IKZF2: variants seen among roughly 807,000 people sequenced by gnomAD.
IKZF2 encodes IKAROS family zinc finger 2.
A neutral mutation model predicts 49.2 loss-of-function variants in IKZF2; 15 were observed. That is an observed-to-expected ratio of 0.30 (90% confidence interval 0.20 to 0.47). The LOEUF (loss-of-function observed/expected upper bound fraction) is 0.47, where lower values mean the gene tolerates loss of function less well. Ranked by LOEUF, IKZF2 falls within the 20% of genes least tolerant of loss-of-function variation. The pLI, the probability that IKZF2 is intolerant of heterozygous loss-of-function variation, is 1.00. For synonymous variants in IKZF2, 227 were observed against 221.4 expected, an observed-to-expected ratio of 1.03 and a Z score of -0.23; for missense variants, 567 against 664.6, an observed-to-expected ratio of 0.85 and a Z score of 1.61.
intron 4 of IKZF2, among the ~76,000 whole-genome samples, chr2:213,133,723 T>TAAATAAATAAATAAATA (rs1439336619): frequency 1.3e-5 from 2 of 150,908 alleles, no homozygotes; most frequent in Non-Finnish European, 3.0e-5. Context: ...AATAAATAAA[T>TAAATAAATAAATAAATA]AAATAAATAA....
intron 4 of IKZF2, among the ~76,000 whole-genome samples, chr2:213,104,047 C>G (rs763094839): frequency 6.6e-6 from 1 of 151,954 alleles, no homozygotes; most frequent in Non-Finnish European, 1.5e-5. Flanking sequence ...ACAAGACACA[C>G]CTCGGATTCG....
Position 213,095,610 on chromosome 2 carries a change from T to A in IKZF2, c.140-38511A>T, listed in dbSNP as rs143608452. On this transcript the variant is annotated intron_variant, in intron 4 of 8. Transcript: ENST00000434687. ...TTTAACCACAGGTATACCATAAACA[T>A]TTTAAAGATTAAAATATGTTTTTGT... Among the ~76,000 whole-genome samples the A allele has an allele frequency of 4.5e-3, 680 of 152,176 alleles. 13 individuals are homozygous for A. Among genetic ancestry groups the A allele is most frequent in the East Asian group, 0.036 (189 of 5,188 alleles).
intron 6 of IKZF2, among the ~76,000 whole-genome samples, chr2:213,032,706 G>T (rs1486552176): frequency 1.3e-5 from 2 of 152,188 alleles, no homozygotes; most frequent in African/African-American, 4.8e-5. Context: ...AGTTGTGATT[G>T]CACCACTGCA....
At chr2:213,025,536 C>T (rs759867704) in intron 6 of IKZF2, among the ~76,000 whole-genome samples, 2 of 152,058 alleles carry the variant, frequency 1.3e-5, no homozygotes, top group African/African-American at 2.4e-5. Context: ...CTAGTCCAAA[C>T]GATGAGCTTC....
chr2:213,113,788 A>C (rs2059788808), intron 4 of IKZF2, among the ~76,000 whole-genome samples: 1 of 152,032 alleles, frequency 6.6e-6, no homozygotes, highest in Non-Finnish European at 1.5e-5. Flanking sequence ...GTTTTGTTTT[A>C]GCATGTTTCT....
chr2:213,040,204 C>A, intron 6 of IKZF2, among the ~76,000 whole-genome samples: 1 of 147,474 alleles, frequency 6.8e-6, no homozygotes, highest in East Asian at 2.0e-4. Context: ...TTCAGAGGTA[C>A]ATGTGCAGGT....
Position 213,057,018 on chromosome 2 carries a change from T to G in IKZF2, c.221A>C (p.His74Pro), listed in dbSNP as rs147806610. The G allele has an allele frequency of 1.2e-6, 2 of 1,613,802 alleles. No individual in the cohort carries two copies. The highest frequency in any genetic ancestry group is 1.7e-6 in the Non-Finnish European group (2 of 1,179,914). The change falls in exon 5 of 9, where the codon CAT (histidine) becomes CCT (proline). Residue 74 changes from histidine (H) to proline (P), a missense_variant. Physicochemically the swap from His to Pro is moderately conservative, Grantham distance 77 (BLOSUM62 -2). Transcript: ENST00000434687. ...PLSREDEIRG[H>P]DEGSSLEEPL... ...TTCTTCTAGGCTGCTACCCTCATCATGGCCCCTGATCTCATCTTCACGGCT... is the reference window on the plus strand; with the variant it reads ...TTCTTCTAGGCTGCTACCCTCATCAGGGCCCCTGATCTCATCTTCACGGCT...
At position 213,126,177 on chromosome 2, in the gene IKZF2, C is replaced by T. The variant is rs75795105; in HGVS notation, c.139+21531G>A. Reference sequence around the variant, plus strand: ...ATCCCCTGTGGGATGAAGTTTATCACCCACACCCCATCATCCCTAGCACTA... The same window carrying T: ...ATCCCCTGTGGGATGAAGTTTATCATCCACACCCCATCATCCCTAGCACTA... On this transcript the variant is annotated intron_variant, in intron 4 of 8. Transcript: ENST00000434687. 1.4e-4 allele frequency among the ~76,000 whole-genome samples: 22 copies of T among 152,232 alleles called. No homozygotes were observed. The East Asian group carries it at 3.5e-3, about 24-fold the overall frequency.
At chr2:213,043,539 A>G (rs1366980156) in intron 6 of IKZF2, among the ~76,000 whole-genome samples, 1 of 152,218 alleles carries the variant, frequency 6.6e-6, no homozygotes, top group Non-Finnish European at 1.5e-5. Flanking sequence ...ATTCCCCTTA[A>G]TACTCTATAT....
At chr2:213,049,630 C>A (rs1163410993) in intron 6 of IKZF2, 83 bp downstream of exon 6, 3 of 1,068,872 alleles carry the variant, frequency 2.8e-6, no homozygotes, top group East Asian at 5.1e-5. Flanking sequence ...GACTACATAA[C>A]AAAGCCATGT....
intron 4 of IKZF2, among the ~76,000 whole-genome samples, chr2:213,085,353 C>T (rs1392536862): frequency 1.3e-5 from 2 of 152,140 alleles, no homozygotes; most frequent in African/African-American, 2.4e-5. Flanking sequence ...AGGCAAGTGA[C>T]ACTATTGACA....
At chr2:213,066,027 T>C (rs1450166614) in intron 4 of IKZF2, among the ~76,000 whole-genome samples, 1 of 152,120 alleles carries the variant, frequency 6.6e-6, no homozygotes, top group Non-Finnish European at 1.5e-5. Flanking sequence ...TTTTATTTCA[T>C]ATAAGAGCAA....
intron 4 of IKZF2, among the ~76,000 whole-genome samples, chr2:213,079,936 T>C (rs758119931): frequency 3.9e-5 from 6 of 152,306 alleles, no homozygotes; most frequent in Non-Finnish European, 7.4e-5. Context: ...TCATTTCTCC[T>C]ATCACCTGGA....
intron 4 of IKZF2, among the ~76,000 whole-genome samples, chr2:213,062,685 T>C (rs1478990308): frequency 1.3e-5 from 2 of 151,994 alleles, no homozygotes; most frequent in Non-Finnish European, 2.9e-5. Flanking sequence ...AGGGATTTTA[T>C]AACTTATAAG....
chr2:213,129,685 G>A (rs2060408631), intron 4 of IKZF2, among the ~76,000 whole-genome samples: 1 of 152,128 alleles, frequency 6.6e-6, no homozygotes, highest in Non-Finnish European at 1.5e-5. Context: ...AGAAAGTCAG[G>A]CTCTGTCTAT....
chr2:213,070,326 A>G (rs1357622406), intron 4 of IKZF2, among the ~76,000 whole-genome samples: 1 of 152,180 alleles, frequency 6.6e-6, no homozygotes, highest in African/African-American at 2.4e-5. Context: ...CTTTAACTAC[A>G]TAGCAAAATT....
Position 213,147,720 on chromosome 2 carries a change from G to T in IKZF2, c.127C>A (p.His43Asn). 6.2e-7 allele frequency: 1 copy of T among 1,613,036 alleles called. No individual in the cohort carries two copies. The highest frequency in any genetic ancestry group is 8.5e-7 in the Non-Finnish European group (1 of 1,178,990). The change falls in exon 4 of 9, where the codon CAC (histidine) becomes AAC (asparagine). Residue 43 changes from histidine to asparagine, a missense_variant. His to Asn is a moderately conservative substitution (Grantham distance 68, BLOSUM62 1). Around this residue, in one of 5 missense-constraint regions of IKZF2, gnomAD observed 156 missense variants for 138.5 expected, o/e 1.13. Coordinates refer to ENST00000434687, the MANE Select transcript of IKZF2 (RefSeq NM_001387220.1). Reference sequence around the variant, plus strand: ...AATGAAGACTTACTGCTTGTCATGTGACTTGGTGAGGCATGCTGTCCATTG... The same window carrying T: ...AATGAAGACTTACTGCTTGTCATGTTACTTGGTGAGGCATGCTGTCCATTG... ...TPNGQHASPS[H>N]MTSTNSVKLE...
At position 213,001,569 on chromosome 2, in the gene IKZF2, T is replaced by C. The variant is rs1559143334; in HGVS notation, c.*5791A>G. ...TTTTCTTTTTAATAGAAAACTACACTTGAGTATAAAAATACGTCAGCAGAT... is the reference window on the plus strand; with the variant it reads ...TTTTCTTTTTAATAGAAAACTACACCTGAGTATAAAAATACGTCAGCAGAT... On this transcript the variant is annotated 3_prime_UTR_variant, in exon 9 of 9. Coordinates refer to ENST00000434687, the MANE Select transcript of IKZF2 (RefSeq NM_001387220.1). The C allele has an allele frequency of 6.6e-6, 1 of 151,438 alleles. No individual in the cohort carries two copies. Among genetic ancestry groups the C allele is most frequent in the Non-Finnish European group, 1.5e-5 (1 of 67,522 alleles). The allele number at this position is 151,438 out of a possible 1,614,324, so 9.4% of individuals were successfully genotyped here.
intron 4 of IKZF2, among the ~76,000 whole-genome samples, chr2:213,065,692 G>C (rs1702101032): frequency 6.6e-6 from 1 of 152,014 alleles, no homozygotes; most frequent in South Asian, 2.1e-4. Flanking sequence ...GGAAACTGAA[G>C]CTTAAAATCA....
Sources: gnomAD v4.1 joint callset for allele counts (sites outside exome capture counted in the v4.1 genomes callset) on GRCh38, gnomAD v4.1.1 for gene constraint, gnomAD v4.1.1 regional missense constraint, MANE v1.5 for transcripts, NCBI Gene and HGNC (gene_info 2026-07-23, HGNC 2026-07-21) for gene names.